The following PID1 variants were observed in gnomAD, a reference collection of about 807,000 sequenced individuals.
PID1 encodes phosphotyrosine interaction domain containing 1, also known as PTB-containing, cubilin and LRP1-interacting protein.
In PID1, 10 loss-of-function variants were observed where a neutral mutation model predicts 19.1. The observed-to-expected ratio is 0.52, with a 90% CI of 0.32 to 0.89. The LOEUF (loss-of-function observed/expected upper bound fraction) is 0.89, where lower values mean the gene tolerates loss of function less well. PID1 is among the 40% of genes least tolerant of loss of function. The probability of loss-of-function intolerance (pLI) is 0.03; values close to 1 mark genes in which losing one functional copy is unlikely to be tolerated. For missense variants in PID1, 248 were observed against 285.3 expected (o/e 0.87, Z 0.94); for synonymous variants, 130 against 116.0 (o/e 1.12, Z -0.78).
intron 1 of PID1, among the ~76,000 whole-genome samples, chr2:229,267,683 T>C (rs1463241339): frequency 1.3e-5 from 2 of 152,196 alleles, no homozygotes; most frequent in Admixed American, 6.5e-5. Flanking sequence ...CTTGTTCCTA[T>C]GGATGGGACA....
chr2:229,184,087 A>G (rs868726874), intron 1 of PID1, among the ~76,000 whole-genome samples: 19 of 23,212 alleles, frequency 8.2e-4, no homozygotes, highest in African/African-American at 5.3e-3. Context: ...TATCCCATAT[A>G]TATATCCCAT....
At chr2:229,109,108 T>G (rs943488506) in intron 2 of PID1, among the ~76,000 whole-genome samples, 2 of 152,150 alleles carry the variant, frequency 1.3e-5, no homozygotes. Flanking sequence ...TTTAGGTGAT[T>G]ACATAGCTAA....
At chr2:229,046,347 A>AGTGT (rs35091766) in intron 2 of PID1, among the ~76,000 whole-genome samples, 20,897 of 141,120 alleles carry the variant, frequency 0.15, 1,949 homozygotes, top group African/African-American at 0.26. Context: ...AAATTAGGAA[A>AGTGT]GTGTGTGTGT....
intron 2 of PID1, among the ~76,000 whole-genome samples, chr2:229,047,132 T>C (rs994643848): frequency 1.3e-5 from 2 of 152,220 alleles, no homozygotes; most frequent in Admixed American, 6.5e-5. Context: ...CCGCTGCTCA[T>C]GCATTTCGGA....
chr2:229,268,840 C>T (rs367877577), intron 1 of PID1, among the ~76,000 whole-genome samples: 1 of 152,214 alleles, frequency 6.6e-6, no homozygotes, highest in African/African-American at 2.4e-5. Flanking sequence ...AAGGAAAAAA[C>T]CCCAGACAGC....
At chr2:229,065,171 A>G (rs965403479) in intron 2 of PID1, among the ~76,000 whole-genome samples, 1 of 152,206 alleles carries the variant, frequency 6.6e-6, no homozygotes, top group Admixed American at 6.6e-5. Context: ...CTTTGCTTTC[A>G]CTTTAAACTA....
intron 2 of PID1, among the ~76,000 whole-genome samples, chr2:229,039,610 C>T (rs1374532923): frequency 6.6e-6 from 1 of 152,004 alleles, no homozygotes; most frequent in Non-Finnish European, 1.5e-5. Flanking sequence ...GAATGAAATC[C>T]CTAGATTATC....
chr2:229,126,587 C>T (rs1380859447), intron 2 of PID1, among the ~76,000 whole-genome samples: 1 of 152,176 alleles, frequency 6.6e-6, no homozygotes. Flanking sequence ...ACCTTTCCTC[C>T]ATCATGTAAA....
intron 1 of PID1, among the ~76,000 whole-genome samples, chr2:229,207,355 G>A (rs547748722): frequency 6.6e-6 from 1 of 151,936 alleles, no homozygotes; most frequent in Admixed American, 6.6e-5. Context: ...ACCTTGATCT[G>A]TAAAATGGGA....
intron 1 of PID1, chr2:229,232,114 A>G: frequency 6.8e-7 from 1 of 1,472,626 alleles, no homozygotes; most frequent in Non-Finnish European, 9.0e-7. Flanking sequence ...AGCCCTGATG[A>G]CTTAACCACC....
chr2:229,136,368 C>T (rs193059754), intron 2 of PID1, among the ~76,000 whole-genome samples: 1 of 152,208 alleles, frequency 6.6e-6, no homozygotes, highest in Admixed American at 6.5e-5. Context: ...GTCAGATAAC[C>T]TGAACTCAGA....
rs1320480716 is a variant in PID1 at position 229,268,862 on chromosome 2, G to A, written c.30+2152C>T. Among the ~76,000 whole-genome samples, 5 of 152,240 alleles carry A rather than the reference G, an allele frequency of 3.3e-5. No homozygotes were observed. In the South Asian group the frequency reaches 8.3e-4, roughly 25 times the overall value. On this transcript the variant is annotated intron_variant, in intron 1 of 2. Transcript: ENST00000392055. ...AAACCCCAGACAGCAAACAGAGATTGTGACAAAGATAACCACAAGGAATGT... is the reference window on the plus strand; with the variant it reads ...AAACCCCAGACAGCAAACAGAGATTATGACAAAGATAACCACAAGGAATGT...
At chr2:229,136,893 C>T (rs977906255) in intron 2 of PID1, among the ~76,000 whole-genome samples, 3 of 152,170 alleles carry the variant, frequency 2.0e-5, no homozygotes, top group Non-Finnish European at 4.4e-5. Flanking sequence ...CAATACTTAC[C>T]ACGTATCTTT....
chr2:229,221,876 C>G (rs1302135568), intron 1 of PID1, among the ~76,000 whole-genome samples: 1 of 152,182 alleles, frequency 6.6e-6, no homozygotes, highest in Non-Finnish European at 1.5e-5. Flanking sequence ...CCTTCCTTTC[C>G]CACATGTCCA....
At chr2:229,100,647 A>C (rs1415387099) in intron 2 of PID1, among the ~76,000 whole-genome samples, 1 of 152,192 alleles carries the variant, frequency 6.6e-6, no homozygotes, top group South Asian at 2.1e-4. Context: ...CTCTATGCCC[A>C]CCCATAAGGA....
At chr2:229,232,300 C>T (rs984060678) in intron 1 of PID1, among the ~76,000 whole-genome samples, 15 of 151,558 alleles carry the variant, frequency 9.9e-5, no homozygotes, top group Admixed American at 2.6e-4. Flanking sequence ...GGTGTGGTGA[C>T]GGGCACCTGT....
At chr2:229,125,022 G>A (rs913554406) in intron 2 of PID1, among the ~76,000 whole-genome samples, 1 of 152,182 alleles carries the variant, frequency 6.6e-6, no homozygotes, top group Non-Finnish European at 1.5e-5. Flanking sequence ...ACAATGAAAT[G>A]TGTATGACTA....
intron 1 of PID1, among the ~76,000 whole-genome samples, chr2:229,198,265 A>C (rs1447977536): frequency 6.6e-6 from 1 of 152,092 alleles, no homozygotes; most frequent in Non-Finnish European, 1.5e-5. Flanking sequence ...TATGTAACAT[A>C]AATACCTTTC....
intron 1 of PID1, chr2:229,262,784 G>C (rs376845439): frequency 1.2e-5 from 18 of 1,551,398 alleles, no homozygotes; most frequent in East Asian, 9.8e-5. Context: ...AACATCAGGT[G>C]GTTGCCAGCA....
Sources: gnomAD v4.1 joint callset for allele counts (sites outside exome capture counted in the v4.1 genomes callset) on GRCh38, gnomAD v4.1.1 for gene constraint, MANE v1.5 for transcripts, NCBI Gene and HGNC (gene_info 2026-07-23, HGNC 2026-07-21) for gene names.